NRG3: variants seen among roughly 807,000 people sequenced by gnomAD.
NRG3 encodes the protein neuregulin 3.
NRG3 carries 31 observed loss-of-function variants against 66.9 expected under a neutral mutation model. The observed-to-expected ratio is 0.46, with a 90% CI of 0.35 to 0.63. The LOEUF (loss-of-function observed/expected upper bound fraction) is 0.63. NRG3 is among the 20% of genes least tolerant of loss of function. The pLI, the probability that NRG3 is intolerant of heterozygous loss-of-function variation, is 0.00. For missense variants in NRG3, 910 were observed against 878.9 expected (o/e 1.04, Z -0.45); for synonymous variants, 393 against 359.4 (o/e 1.09, Z -1.06).
At chr10:81,954,674 A>C (rs1162031789) in intron 1 of NRG3, among the ~76,000 whole-genome samples, 1 of 152,162 alleles carries the variant, frequency 6.6e-6, no homozygotes, top group East Asian at 1.9e-4. Flanking sequence ...TGCATTCACA[A>C]AAGGAGGGGT....
At chr10:81,899,728 G>A (rs1312887013) in intron 1 of NRG3, among the ~76,000 whole-genome samples, 3 of 152,232 alleles carry the variant, frequency 2.0e-5, no homozygotes, top group South Asian at 2.1e-4. Context: ...TGTTGACTCC[G>A]TGGAGCTGCC....
chr10:82,587,777 C>T (rs980470478), intron 2 of NRG3, among the ~76,000 whole-genome samples: 28 of 152,216 alleles, frequency 1.8e-4, no homozygotes, highest in Admixed American at 9.2e-4. Flanking sequence ...ATTTTTCAAC[C>T]AGAGCTCCTG....
At chr10:82,451,054 A>T (rs1013982793) in intron 2 of NRG3, among the ~76,000 whole-genome samples, 10 of 152,194 alleles carry the variant, frequency 6.6e-5, no homozygotes, top group African/African-American at 2.4e-4. Flanking sequence ...AAAGAATAGC[A>T]ATATAATAGT....
chr10:82,142,922 GTTTT>G (rs11286244), intron 1 of NRG3, among the ~76,000 whole-genome samples: 2 of 118,954 alleles, frequency 1.7e-5, no homozygotes, highest in Non-Finnish European at 1.8e-5. Flanking sequence ...ACCTGGCTAA[GTTTT>G]TTTTTTTTTT....
chr10:82,399,609 G>A (rs1308246540), intron 2 of NRG3, among the ~76,000 whole-genome samples: 1 of 152,076 alleles, frequency 6.6e-6, no homozygotes, highest in Non-Finnish European at 1.5e-5. Flanking sequence ...GTCTTCACTG[G>A]GCAGAAAGAT....
At position 82,042,928 on chromosome 10, in the gene NRG3, A is replaced by C. The variant is rs7094102; in HGVS notation, c.823+166765A>C. ...ATGCAAACTGACACATAATGGCAAC[A>C]TTCGCAAAACATTTTATTAGAGATT... On this transcript the variant is annotated intron_variant, in intron 1 of 8. Transcript: ENST00000372141. 5.9e-3 allele frequency among the ~76,000 whole-genome samples: 892 copies of C among 152,204 alleles called. 8 individuals carry two copies. The highest frequency in any genetic ancestry group is 0.02 in the African/African-American group (838 of 41,560).
At chr10:82,034,879 C>A (rs1217854893) in intron 1 of NRG3, among the ~76,000 whole-genome samples, 1 of 152,076 alleles carries the variant, frequency 6.6e-6, no homozygotes, top group Non-Finnish European at 1.5e-5. Context: ...TGGCAGCCCA[C>A]ACCCAGTGGA....
At chr10:82,871,581 T>C (rs1185991313) in intron 4 of NRG3, among the ~76,000 whole-genome samples, 1 of 152,288 alleles carries the variant, frequency 6.6e-6, no homozygotes, top group Non-Finnish European at 1.5e-5. Context: ...ACTTGGGTTT[T>C]ATTTTTTAAG....
chr10:81,939,299 G>A (rs1047019720), intron 1 of NRG3, among the ~76,000 whole-genome samples: 3 of 151,988 alleles, frequency 2.0e-5, no homozygotes, highest in Non-Finnish European at 4.4e-5. Context: ...AAGTTTGAAT[G>A]TTTCCTCTTC....
At chr10:82,664,176 T>G (rs1431952371) in intron 2 of NRG3, among the ~76,000 whole-genome samples, 1 of 152,184 alleles carries the variant, frequency 6.6e-6, no homozygotes, top group East Asian at 1.9e-4. Context: ...GTGGTGACAA[T>G]TGTACTGGGG....
rs141091519 is a variant in NRG3, at chr10:82,224,555, G to C, written c.824-134184G>C. On this transcript the variant is annotated intron_variant, in intron 1 of 8. Coordinates refer to ENST00000372141, the MANE Select transcript of NRG3 (RefSeq NM_001010848.4). ...GCACAATTCTTTTAAGTAAGTCCTT[G>C]CTTACTAATTATTTGGTTGAATAAG... Among the ~76,000 whole-genome samples, 71 of 152,176 alleles carry C rather than the reference G, an allele frequency of 4.7e-4. No homozygotes were observed. In the East Asian group the frequency reaches 0.012, roughly 27 times the overall value.
chr10:82,248,311 C>T (rs1419460038), intron 1 of NRG3, among the ~76,000 whole-genome samples: 1 of 152,158 alleles, frequency 6.6e-6, no homozygotes, highest in Non-Finnish European at 1.5e-5. Flanking sequence ...TCTTGGTCTC[C>T]TCTGTCTACT....
chr10:82,158,660 T>C (rs2071354962), intron 1 of NRG3, among the ~76,000 whole-genome samples: 1 of 151,820 alleles, frequency 6.6e-6, no homozygotes, highest in East Asian at 1.9e-4. Context: ...TCAAATAAAC[T>C]CTCCTCTTAC....
chr10:82,529,761 C>T (rs960003363), intron 2 of NRG3, among the ~76,000 whole-genome samples: 1 of 152,094 alleles, frequency 6.6e-6, no homozygotes, highest in African/African-American at 2.4e-5. Context: ...TTAAAAAAAT[C>T]ACTTGTTATT....
chr10:82,196,047 T>C (rs1260588552), intron 1 of NRG3, among the ~76,000 whole-genome samples: 1 of 152,230 alleles, frequency 6.6e-6, no homozygotes, highest in Non-Finnish European at 1.5e-5. Flanking sequence ...ATAAATTTTG[T>C]GAACATTTGT....
chr10:82,203,337 A>G (rs993756485), intron 1 of NRG3, among the ~76,000 whole-genome samples: 4 of 152,188 alleles, frequency 2.6e-5, no homozygotes, highest in African/African-American at 9.6e-5. Flanking sequence ...AGCAGAAGAA[A>G]GCATCAAACA....
At chr10:82,180,176 A>G (rs921135283) in intron 1 of NRG3, among the ~76,000 whole-genome samples, 3 of 151,558 alleles carry the variant, frequency 2.0e-5, no homozygotes, top group Admixed American at 6.6e-5. Flanking sequence ...TCTTCATATA[A>G]GATCATGTCA....
intron 1 of NRG3, among the ~76,000 whole-genome samples, chr10:82,144,785 A>T (rs1017491644): frequency 6.6e-6 from 1 of 152,150 alleles, no homozygotes; most frequent in Non-Finnish European, 1.5e-5. Context: ...CTACTCCTGA[A>T]CTTCTGTTTC....
At chr10:82,662,754 G>A (rs1171117506) in intron 2 of NRG3, among the ~76,000 whole-genome samples, 2 of 152,132 alleles carry the variant, frequency 1.3e-5, no homozygotes, top group Non-Finnish European at 1.5e-5. Context: ...CTTGGGCAGG[G>A]TAGAAGTACA....
Sources: gnomAD v4.1 joint callset for allele counts (sites outside exome capture counted in the v4.1 genomes callset) on GRCh38, gnomAD v4.1.1 for gene constraint, MANE v1.5 for transcripts, NCBI Gene and HGNC (gene_info 2026-07-23, HGNC 2026-07-21) for gene names.